DLGAP2: variants seen among roughly 807,000 people sequenced by gnomAD.
DLGAP2 encodes DLG associated protein 2.
Under a neutral mutation model 100.3 loss-of-function variants are expected in DLGAP2, and 26 were observed. The observed-to-expected ratio is 0.26, with a 90% CI of 0.19 to 0.36. DLGAP2 has a LOEUF of 0.36. Ranked by LOEUF, DLGAP2 falls within the 10% of genes least tolerant of loss-of-function variation. DLGAP2 has a pLI of 1.00. For synonymous variants in DLGAP2, 886 were observed against 630.1 expected, an observed-to-expected ratio of 1.41 and a Z score of -6.08; for missense variants, 1,858 against 1,453.2, an observed-to-expected ratio of 1.28 and a Z score of -4.53.
chr8:1,214,403 T>G (rs1381209146), intron 2 of DLGAP2, among the ~76,000 whole-genome samples: 2 of 152,190 alleles, frequency 1.3e-5, no homozygotes, highest in Non-Finnish European at 2.9e-5. Flanking sequence ...GAAGGGCATC[T>G]CGTAGATTGG....
intron 1 of DLGAP2, among the ~76,000 whole-genome samples, chr8:776,017 A>T (rs1296562561): frequency 2.0e-5 from 3 of 151,940 alleles, no homozygotes; most frequent in African/African-American, 7.2e-5. Flanking sequence ...GATTATTGCC[A>T]CAATTTCAGA....
chr8:823,840 C>T (rs943465834), intron 1 of DLGAP2, among the ~76,000 whole-genome samples: 11 of 152,136 alleles, frequency 7.2e-5, no homozygotes, highest in African/African-American at 2.4e-4. Flanking sequence ...CAAGAGTCTG[C>T]GGCCTGGGTC....
intron 2 of DLGAP2, among the ~76,000 whole-genome samples, chr8:1,198,283 C>T (rs770474373): frequency 6.6e-6 from 1 of 152,128 alleles, no homozygotes; most frequent in African/African-American, 2.4e-5. Flanking sequence ...TTGTAAGCTT[C>T]AAGTTTGTGA....
intron 4 of DLGAP2, among the ~76,000 whole-genome samples, chr8:1,545,976 G>C (rs924201600): frequency 2.6e-5 from 4 of 152,104 alleles, no homozygotes; most frequent in African/African-American, 9.7e-5. Flanking sequence ...CAAAGCAAAA[G>C]ATAATAGGAT....
chr8:1,088,010 G>A (rs190608314), intron 2 of DLGAP2, among the ~76,000 whole-genome samples: 14 of 152,348 alleles, frequency 9.2e-5, no homozygotes, highest in African/African-American at 1.9e-4. Flanking sequence ...ACTTCACTGC[G>A]TCACAGCTCT....
At chr8:971,261 A>G (rs778648581) in intron 2 of DLGAP2, among the ~76,000 whole-genome samples, 5 of 152,230 alleles carry the variant, frequency 3.3e-5, no homozygotes, top group African/African-American at 7.2e-5. Context: ...AAAATGACTA[A>G]TAACCCAACT....
At chr8:1,547,105 T>A (rs1801568598) in intron 4 of DLGAP2, among the ~76,000 whole-genome samples, 1 of 152,008 alleles carries the variant, frequency 6.6e-6, no homozygotes. Flanking sequence ...GGCAGCGACA[T>A]CTACAAATGA....
intron 2 of DLGAP2, among the ~76,000 whole-genome samples, chr8:1,212,800 A>G (rs1021110574): frequency 8.7e-6 from 1 of 114,960 alleles, no homozygotes; most frequent in African/African-American, 3.4e-5. Flanking sequence ...TTTTAATTGG[A>G]TTAATGTTCT....
In DLGAP2 at chr8:1,690,703, C is replaced by CAAAA. The variant is rs71190752; in HGVS notation, c.2705-809_2705-806dup. Among the ~76,000 whole-genome samples, 576 of 62,058 alleles carry CAAAA rather than the reference C, an allele frequency of 9.3e-3. 25 individuals are homozygous for CAAAA. The highest frequency in any genetic ancestry group is 0.023 in the African/African-American group (425 of 18,552). The allele number at this position is 62,058 out of a possible 152,430, so 40.7% of individuals were successfully genotyped here. On this transcript the variant is annotated intron_variant, in intron 12 of 14. Coordinates refer to ENST00000637795, the MANE Select transcript of DLGAP2 (RefSeq NM_001346810.2). ...TGGGCGATAAAGGGAGACCCTATCT[C>CAAAA]AAAAAAAAAAAAAAAAAAAAAAAAA...
intron 2 of DLGAP2, among the ~76,000 whole-genome samples, chr8:1,171,818 G>A (rs1193551647): frequency 1.3e-5 from 2 of 152,050 alleles, no homozygotes; most frequent in Non-Finnish European, 2.9e-5. Flanking sequence ...ACACACTGAT[G>A]GGTCTTGACT....
chr8:927,107 G>A, intron 2 of DLGAP2: 1 of 985,424 alleles, frequency 1.0e-6, no homozygotes, highest in Non-Finnish European at 1.2e-6. Flanking sequence ...GATGGTAAAA[G>A]ACTTCGGAGC....
intron 2 of DLGAP2, among the ~76,000 whole-genome samples, chr8:1,157,541 C>T (rs574429460): frequency 3.3e-5 from 5 of 152,300 alleles, no homozygotes; most frequent in Admixed American, 2.0e-4. Context: ...CCTTTCAGAA[C>T]CAATCAGGCT....
chr8:1,656,096 G>A (rs1274239929), intron 8 of DLGAP2, among the ~76,000 whole-genome samples: 1 of 152,170 alleles, frequency 6.6e-6, no homozygotes, highest in African/African-American at 2.4e-5. Flanking sequence ...GGCCAAGGCG[G>A]GCAGATCACC....
chr8:760,260 G>C (rs1821047480), intron 1 of DLGAP2, among the ~76,000 whole-genome samples: 1 of 152,186 alleles, frequency 6.6e-6, no homozygotes, highest in Non-Finnish European at 1.5e-5. Context: ...CTTGCTGCCT[G>C]ATCTGCGGGG....
intron 13 of DLGAP2, among the ~76,000 whole-genome samples, chr8:1,693,750 C>T (rs969056652): frequency 6.6e-6 from 1 of 152,182 alleles, no homozygotes; most frequent in Non-Finnish European, 1.5e-5. Flanking sequence ...TTTAAAGAGT[C>T]ACCAACACAT....
chr8:840,614 G>A (rs1334770896), intron 1 of DLGAP2, among the ~76,000 whole-genome samples: 2 of 92,354 alleles, frequency 2.2e-5, no homozygotes, highest in Non-Finnish European at 2.5e-5. Context: ...TTCTGCGAGC[G>A]CGTCCACACG....
At chr8:943,901 G>C (rs1563106387) in intron 2 of DLGAP2, among the ~76,000 whole-genome samples, 1 of 152,264 alleles carries the variant, frequency 6.6e-6, no homozygotes, top group Non-Finnish European at 1.5e-5. Context: ...ATTCCAGGAA[G>C]TCAACCTTAA....
intron 3 of DLGAP2, among the ~76,000 whole-genome samples, chr8:1,291,847 A>G (rs141983244): frequency 0.024 from 3,634 of 152,276 alleles, 44 homozygotes; most frequent in South Asian, 0.036. Context: ...TCAGCAGGCC[A>G]TATGGCTTAG....
At chr8:765,069 T>C (rs1821177556) in intron 1 of DLGAP2, among the ~76,000 whole-genome samples, 1 of 152,194 alleles carries the variant, frequency 6.6e-6, no homozygotes, top group Non-Finnish European at 1.5e-5. Context: ...TTAGTAAAAT[T>C]GGAGTATTGC....
Sources: allele counts gnomAD v4.1 joint callset (sites outside exome capture counted in the v4.1 genomes callset), GRCh38; gene constraint gnomAD v4.1.1; transcripts MANE v1.5; gene names NCBI Gene and HGNC (gene_info 2026-07-23, HGNC 2026-07-21).